The following DOCK2 variants were observed in gnomAD, a reference collection of about 807,000 sequenced individuals.
DOCK2 encodes the protein dedicator of cytokinesis protein 2.
A neutral mutation model predicts 248.9 loss-of-function variants in DOCK2; 87 were observed. That is an observed-to-expected ratio of 0.35 (90% CI 0.29 to 0.42). The LOEUF (loss-of-function observed/expected upper bound fraction) is 0.42. Among genes scored for constraint, DOCK2 ranks in the 10% least tolerant of loss-of-function variants. The pLI is 1.00. For missense variants in DOCK2, 1,747 were observed against 2,300.2 expected (o/e 0.76, Z 4.92); for synonymous variants, 805 against 821.6 (o/e 0.98, Z 0.35).
intron 27 of DOCK2, among the ~76,000 whole-genome samples, chr5:169,896,928 A>G (rs1306749464): frequency 1.3e-5 from 2 of 152,236 alleles, no homozygotes; most frequent in Admixed American, 1.3e-4. Context: ...CTGAGCATCA[A>G]CTTTGACGTG....
chr5:169,959,773 TC>T (rs1777008388), intron 27 of DOCK2, among the ~76,000 whole-genome samples: 2 of 152,166 alleles, frequency 1.3e-5, no homozygotes, highest in Non-Finnish European at 2.9e-5. Context: ...TCATCGTAGA[TC>T]TAGAGAGATC....
chr5:169,747,183 TGTTA>T (rs1430143522), intron 22 of DOCK2, among the ~76,000 whole-genome samples: 3 of 152,242 alleles, frequency 2.0e-5, no homozygotes, highest in African/African-American at 7.2e-5. Flanking sequence ...GTGTATGCCC[TGTTA>T]GTTGGTGGGT....
intron 26 of DOCK2, among the ~76,000 whole-genome samples, chr5:169,840,199 C>T (rs551365216): frequency 1.2e-4 from 18 of 152,252 alleles, no homozygotes; most frequent in East Asian, 7.7e-4. Flanking sequence ...GGCGTCTTCA[C>T]GTAGCCAGAG....
chr5:169,903,387 G>A (rs902116926), intron 27 of DOCK2, among the ~76,000 whole-genome samples: 1 of 151,846 alleles, frequency 6.6e-6, no homozygotes, highest in African/African-American at 2.4e-5. Context: ...AAGTCGGGGT[G>A]CCGCAGGAGT....
chr5:169,721,044 C>T (rs758276125), intron 22 of DOCK2, among the ~76,000 whole-genome samples: 13 of 151,854 alleles, frequency 8.6e-5, no homozygotes, highest in Non-Finnish European at 1.9e-4. Flanking sequence ...TCATGTCTTA[C>T]GTCTGTTAGT....
intron 26 of DOCK2, among the ~76,000 whole-genome samples, chr5:169,827,002 C>T (rs754078937): frequency 3.4e-5 from 5 of 145,674 alleles, no homozygotes; most frequent in Admixed American, 6.7e-5. Flanking sequence ...GAATCCAGGA[C>T]AGAGCGTGGC....
At chr5:169,812,349 G>A (rs1767810837) in intron 26 of DOCK2, among the ~76,000 whole-genome samples, 1 of 152,196 alleles carries the variant, frequency 6.6e-6, no homozygotes, top group African/African-American at 2.4e-5. Context: ...ATCCCCCTGA[G>A]ACGGGACTGT....
intron 32 of DOCK2, among the ~76,000 whole-genome samples, chr5:170,013,224 G>A (rs1041373330): frequency 3.3e-5 from 5 of 152,006 alleles, no homozygotes; most frequent in Admixed American, 2.6e-4. Context: ...AGGCTGCTGG[G>A]AATAAATAGG....
At chr5:169,780,893 G>T (rs769028154) in intron 25 of DOCK2, among the ~76,000 whole-genome samples, 1 of 151,940 alleles carries the variant, frequency 6.6e-6, no homozygotes, top group Non-Finnish European at 1.5e-5. Flanking sequence ...ATAAAATATC[G>T]CCATACTTCT....
intron 22 of DOCK2, among the ~76,000 whole-genome samples, chr5:169,720,766 C>T (rs901599295): frequency 1.3e-5 from 2 of 152,110 alleles, no homozygotes; most frequent in African/African-American, 4.8e-5. Context: ...AGAGCAATGG[C>T]GCAATCACGG....
chr5:169,949,430 G>A (rs1029414130), intron 27 of DOCK2, among the ~76,000 whole-genome samples: 35 of 152,230 alleles, frequency 2.3e-4, no homozygotes, highest in African/African-American at 8.2e-4. Context: ...TTTCTTGAAG[G>A]AGATAGCCCA....
intron 27 of DOCK2, among the ~76,000 whole-genome samples, chr5:169,925,625 T>TC: frequency 7.4e-6 from 1 of 135,090 alleles, no homozygotes; most frequent in Non-Finnish European, 1.6e-5. Flanking sequence ...TGGGGTGTAA[T>TC]CCCAGCAGCT....
chr5:169,658,306 C>G (rs929035081), intron 2 of DOCK2, among the ~76,000 whole-genome samples: 1 of 151,608 alleles, frequency 6.6e-6, no homozygotes, highest in African/African-American at 2.4e-5. Context: ...TGGTGAAACC[C>G]CATCTCTACT....
intron 46 of DOCK2, among the ~76,000 whole-genome samples, chr5:170,069,499 T>C (rs1407629110): frequency 6.6e-6 from 1 of 152,178 alleles, no homozygotes; most frequent in Non-Finnish European, 1.5e-5. Context: ...ATTCAGGGGA[T>C]GGCTTTTCAC....
chr5:169,663,311 A>G (rs1279207361), intron 2 of DOCK2, among the ~76,000 whole-genome samples: 1 of 152,200 alleles, frequency 6.6e-6, no homozygotes, highest in African/African-American at 2.4e-5. Flanking sequence ...ACAAGCTGGT[A>G]TTGAGTACCT....
intron 27 of DOCK2, among the ~76,000 whole-genome samples, chr5:169,886,373 G>A (rs1350811038): frequency 6.6e-6 from 1 of 152,176 alleles, no homozygotes; most frequent in Admixed American, 6.5e-5. Flanking sequence ...TTTTAGAATT[G>A]GTTCTATGTT....
At chr5:169,827,603 C>T (rs987132821) in intron 26 of DOCK2, among the ~76,000 whole-genome samples, 3 of 152,142 alleles carry the variant, frequency 2.0e-5, no homozygotes, top group African/African-American at 7.2e-5. Context: ...GTTACAGAAA[C>T]TGGAAAATGA....
chr5:169,678,108 C>T (rs1043777350), intron 6 of DOCK2, among the ~76,000 whole-genome samples: 4 of 151,934 alleles, frequency 2.6e-5, no homozygotes, highest in African/African-American at 9.7e-5. Flanking sequence ...AATTTCTTAA[C>T]AAGCACAGAG....
intron 27 of DOCK2, among the ~76,000 whole-genome samples, chr5:169,914,834 A>G (rs969942081): frequency 4.6e-5 from 7 of 152,176 alleles, no homozygotes; most frequent in African/African-American, 1.7e-4. Flanking sequence ...CTCTATAGAC[A>G]CTTTTGCATC....
Sources: gnomAD v4.1 joint callset for allele counts (sites outside exome capture counted in the v4.1 genomes callset) on GRCh38, gnomAD v4.1.1 for gene constraint, MANE v1.5 for transcripts, NCBI Gene and HGNC (gene_info 2026-07-23, HGNC 2026-07-21) for gene names.